ANKRD62: variants seen among roughly 807,000 people sequenced by gnomAD.
The protein encoded by ANKRD62 is ankyrin repeat domain-containing protein 62.
A neutral mutation model predicts 98.8 loss-of-function variants in ANKRD62; 61 were observed. The ratio of observed to expected loss-of-function variants is 0.62; its 90% CI spans 0.50 to 0.76. ANKRD62 has a LOEUF of 0.76. ANKRD62 is among the 30% of genes least tolerant of loss of function. The pLI is 0.00. For synonymous variants in ANKRD62, 341 were observed against 367.9 expected (o/e 0.93, Z 0.84); for missense variants, 933 against 1,082.9 (o/e 0.86, Z 1.94).
chr18:12,136,778 G>A, the ANKRD62 span, among the ~76,000 whole-genome samples: 3 of 152,152 alleles, frequency 2.0e-5, no homozygotes, highest in Non-Finnish European at 4.4e-5. Context: ...CTTGTAAGTT[G>A]TATTCCTAGG....
At chr18:12,094,993 C>G (rs1303737672) in intron 1 of ANKRD62, among the ~76,000 whole-genome samples, 178 bp from the exon 2 acceptor site, 1 of 151,504 alleles carries the variant, frequency 6.6e-6, no homozygotes, top group Non-Finnish European at 1.5e-5. Context: ...GGCTTTCTAC[C>G]CTGGCAGCCT....
intron 12 of ANKRD62, among the ~76,000 whole-genome samples, chr18:12,124,900 A>G (rs1200506589): frequency 6.6e-6 from 1 of 152,214 alleles, no homozygotes; most frequent in Non-Finnish European, 1.5e-5. Context: ...ATGTATGCAT[A>G]CAAAAGTGCT....
chr18:12,157,517 T>C, the ANKRD62 span, among the ~76,000 whole-genome samples: 2 of 152,196 alleles, frequency 1.3e-5, no homozygotes, highest in Non-Finnish European at 2.9e-5. Context: ...TGTTGTAATA[T>C]TTAACATAAT....
intron 5 of ANKRD62, among the ~76,000 whole-genome samples, chr18:12,098,693 T>C (rs1598729830): frequency 1.3e-5 from 2 of 152,200 alleles, no homozygotes; most frequent in Admixed American, 6.5e-5. Flanking sequence ...CTGAGTAAAC[T>C]CGTGGTGTGT....
At chr18:12,145,716 C>T in the ANKRD62 span, among the ~76,000 whole-genome samples, 1 of 152,190 alleles carries the variant, frequency 6.6e-6, no homozygotes, top group Non-Finnish European at 1.5e-5. Context: ...GCCATCTTTG[C>T]CACTTGGGTG....
chr18:12,107,480 C>T lies in ANKRD62; in HGVS notation c.1064+13C>T, dbSNP rs763774568. ...GCGAGTTTGATAGGTAATCCTGTAG[C>T]GATAGTTAACAGCGGATCACTGTTA... On this transcript the variant is annotated intron_variant, in intron 8 of 13. Transcript: ENST00000587848. The T allele has an allele frequency of 4.6e-5, 68 of 1,469,384 alleles. No homozygotes were observed. The highest frequency in any genetic ancestry group is 5.7e-5 in the Non-Finnish European group (63 of 1,114,552). 91.0% of individuals were successfully genotyped at this position (1,469,384 alleles called of 1,614,324 possible). A position where few individuals can be genotyped will look rare whatever the true frequency, so the allele number is the denominator to read the frequency against.
chr18:12,151,826 C>T, the ANKRD62 span, among the ~76,000 whole-genome samples: 2 of 151,922 alleles, frequency 1.3e-5, no homozygotes, highest in Admixed American at 6.6e-5. Context: ...ACTAGCTAGA[C>T]TAATAGAGAA....
At chr18:12,100,570 T>C (rs1038951958) in intron 6 of ANKRD62, among the ~76,000 whole-genome samples, 1 of 152,178 alleles carries the variant, frequency 6.6e-6, no homozygotes, top group African/African-American at 2.4e-5. Flanking sequence ...CAATGAGACC[T>C]TTCTGGTACC....
chr18:12,113,793 G>C (rs1352056131), intron 8 of ANKRD62, among the ~76,000 whole-genome samples: 2 of 152,158 alleles, frequency 1.3e-5, no homozygotes, highest in Non-Finnish European at 2.9e-5. Flanking sequence ...TTATTACTGG[G>C]TATATACCCA....
chr18:12,116,437 T>C (rs1328486084), intron 10 of ANKRD62, among the ~76,000 whole-genome samples: 2 of 152,228 alleles, frequency 1.3e-5, no homozygotes, highest in Non-Finnish European at 1.5e-5. Context: ...CTTTGTTTCA[T>C]GCACAAAATT....
Position 12,105,377 on chromosome 18 carries a change from T to C in ANKRD62, c.892-1918T>C, listed in dbSNP as rs1909390355. On this transcript the variant is annotated intron_variant, in intron 7 of 13. Transcript: ENST00000587848. ...CTAGAAGAATAGTTACAGCACAATA[T>C]ACAAAGACTTAAGAATGAGGCACGC... Among the ~76,000 whole-genome samples, 4 of 152,310 alleles carry C rather than the reference T, an allele frequency of 2.6e-5. No homozygotes were observed. In the South Asian group the frequency reaches 8.3e-4, roughly 32 times the overall value.
the ANKRD62 span, among the ~76,000 whole-genome samples, chr18:12,137,402 T>G: frequency 6.6e-6 from 1 of 152,234 alleles, no homozygotes; most frequent in African/African-American, 2.4e-5. Context: ...TGAAGCCCAC[T>G]TGATCATGGT....
At chr18:12,165,568 A>G in the ANKRD62 span, among the ~76,000 whole-genome samples, 1 of 152,136 alleles carries the variant, frequency 6.6e-6, no homozygotes, top group Non-Finnish European at 1.5e-5. Context: ...CCAAGTTTTT[A>G]ACTTTTTATT....
At chr18:12,136,101 G>C in the ANKRD62 span, among the ~76,000 whole-genome samples, 2 of 152,110 alleles carry the variant, frequency 1.3e-5, no homozygotes, top group South Asian at 2.1e-4. Flanking sequence ...TGGTGTTTTA[G>C]TCATGAAGTC....
intron 10 of ANKRD62, among the ~76,000 whole-genome samples, chr18:12,118,288 GT>G (rs2143923187): frequency 6.6e-6 from 1 of 152,266 alleles, no homozygotes; most frequent in Admixed American, 6.5e-5. Flanking sequence ...TTTCCAGAAA[GT>G]CATATAGTTG....
the ANKRD62 span, among the ~76,000 whole-genome samples, chr18:12,135,189 C>A: frequency 5.5e-5 from 6 of 108,918 alleles, no homozygotes; most frequent in Non-Finnish European, 5.3e-5. Flanking sequence ...CTATCCCTCC[C>A]CCCTCCCCCC....
At chr18:12,123,650 A>G (rs1909827535) in intron 11 of ANKRD62, among the ~76,000 whole-genome samples, 1 of 152,210 alleles carries the variant, frequency 6.6e-6, no homozygotes, top group African/African-American at 2.4e-5. Flanking sequence ...GATTATTGTC[A>G]TCTGGAGATA....
At chr18:12,163,884 AT>A in the ANKRD62 span, among the ~76,000 whole-genome samples, 21 of 152,068 alleles carry the variant, frequency 1.4e-4, no homozygotes, top group African/African-American at 4.8e-4. Flanking sequence ...ATGATGAATG[AT>A]TTTTTTAATA....
the ANKRD62 span, among the ~76,000 whole-genome samples, chr18:12,155,488 G>T: frequency 6.6e-6 from 1 of 152,100 alleles, no homozygotes; most frequent in Non-Finnish European, 1.5e-5. Flanking sequence ...GTTCTAGACT[G>T]CCATGGAGCA....
Sources: gnomAD v4.1 joint callset for allele counts (sites outside exome capture counted in the v4.1 genomes callset) on GRCh38, gnomAD v4.1.1 for gene constraint, MANE v1.5 for transcripts, NCBI Gene and HGNC (gene_info 2026-07-23, HGNC 2026-07-21) for gene names.